Variants in RAB11FIP1 observed in about 807,000 individuals in gnomAD.
The protein encoded by RAB11FIP1 is rab11 family-interacting protein 1.
Under a neutral mutation model 83.1 loss-of-function variants are expected in RAB11FIP1, and 49 were observed. That is an observed-to-expected ratio of 0.59 (90% CI 0.47 to 0.75). The LOEUF is 0.75. RAB11FIP1 is among the 30% of genes least tolerant of loss of function. RAB11FIP1 has a pLI of 0.00. For synonymous variants in RAB11FIP1, 670 were observed against 656.0 expected (o/e 1.02, Z -0.33); for missense variants, 1,536 against 1,598.7 (o/e 0.96, Z 0.67).
In RAB11FIP1 at chr8:37,873,031, T is replaced by C; in HGVS notation, c.1771A>G (p.Ser591Gly). Residue 591 changes from serine (S) to glycine (G), a missense_variant, in exon 4 of 6, where the codon AGT becomes GGT. By Grantham distance (56) the Ser-to-Gly change is moderately conservative. Coordinates refer to ENST00000330843, the MANE Select transcript of RAB11FIP1 (RefSeq NM_001002814.3). ...GHGADTQSSE[S>G]PSVFSSLSSP... ...GAGAGAGAGGAGAAGACAGAAGGAC[T>C]CTCAGAGGACTGTGTGTCTGCACCA... 6.2e-7 allele frequency: 1 copy of C among 1,614,068 alleles called. No homozygotes were observed. Among genetic ancestry groups the C allele is most frequent in the Non-Finnish European group, 8.5e-7 (1 of 1,179,992 alleles).
intron 1 of RAB11FIP1, among the ~76,000 whole-genome samples, chr8:37,895,218 A>AATAAATATATATAT (rs1381872486): frequency 1.5e-4 from 2 of 13,706 alleles, no homozygotes; most frequent in Non-Finnish European, 1.4e-4. Context: ...GGTGCCTGCC[A>AATAAATATATATAT]ATATATATAT....
intron 1 of RAB11FIP1, among the ~76,000 whole-genome samples, chr8:37,894,157 A>G (rs1419446187): frequency 3.3e-5 from 5 of 152,216 alleles, no homozygotes; most frequent in Non-Finnish European, 7.3e-5. Flanking sequence ...AGAAAAATGT[A>G]ATCAGTAATA....
chr8:37,864,003 C>T (rs1203117645), intron 5 of RAB11FIP1, among the ~76,000 whole-genome samples: 1 of 152,226 alleles, frequency 6.6e-6, no homozygotes, highest in Non-Finnish European at 1.5e-5. Context: ...CTGTCTGCTC[C>T]TGCCAAAGCT....
At chr8:37,888,380 T>C (rs1277895431) in intron 1 of RAB11FIP1, among the ~76,000 whole-genome samples, 1 of 152,200 alleles carries the variant, frequency 6.6e-6, no homozygotes, top group Admixed American at 6.5e-5. Context: ...GTGCTGGGAT[T>C]ACAGGCGTGA....
In RAB11FIP1 at chr8:37,882,118, A is replaced by T. The variant is rs563754931; in HGVS notation, c.372-4567T>A. Among the ~76,000 whole-genome samples, 57 of 152,264 alleles carry T rather than the reference A, an allele frequency of 3.7e-4. 3 individuals carry two copies. The highest frequency in any genetic ancestry group is 1.3e-3 in the African/African-American group (55 of 41,554). On this transcript the variant is annotated intron_variant, in intron 1 of 5. Transcript: ENST00000330843. ...CCCGCCCAGGGCAGGAGCTTCAGGC[A>T]GGGGTTTCTCCACAGCTCTTCCACA...
chr8:37,886,707 CT>C (rs1257814577), intron 1 of RAB11FIP1, among the ~76,000 whole-genome samples: 1 of 152,196 alleles, frequency 6.6e-6, no homozygotes, highest in Non-Finnish European at 1.5e-5. Flanking sequence ...AGAACCACCC[CT>C]GACCTAGTGT....
rs2130142768 is a variant in RAB11FIP1 at position 37,872,462 on chromosome 8, T to C, written c.2340A>G (p.Ser780=). The C allele has an allele frequency of 2.5e-6, 4 of 1,614,170 alleles. No individual in the cohort carries two copies. The highest frequency in any genetic ancestry group is 3.4e-6 in the Non-Finnish European group (4 of 1,180,016). Residue 780 remains serine, a synonymous_variant, in exon 4 of 6, where the codon TCA becomes TCG. Coordinates refer to ENST00000330843, the MANE Select transcript of RAB11FIP1 (RefSeq NM_001002814.3). ...EVAPPLPMGA[S]VPSIDSMMRK... ...GCATCATGGAATCAATGGAAGGGAC[T>C]GATGCTCCCATGGGAAGAGGGGGCG...
In RAB11FIP1 at chr8:37,863,063, A is replaced by G; in HGVS notation, c.3684T>C (p.Asp1228=). Reference sequence around the variant, plus strand: ...GTTTGAGGACCAGCTGAATCAGCTCATCGTGGGTCAGCTGCGCATATGCAA... The same window carrying G: ...GTTTGAGGACCAGCTGAATCAGCTCGTCGTGGGTCAGCTGCGCATATGCAA... ...PAFAYAQLTH[D]ELIQLVLKQK... Residue 1228 remains aspartate, a synonymous_variant, in exon 6 of 6, where the codon GAT becomes GAC. Coordinates refer to ENST00000330843, the MANE Select transcript of RAB11FIP1 (RefSeq NM_001002814.3). 1 of 1,612,942 alleles carries G rather than the reference A, an allele frequency of 6.2e-7. No homozygotes were observed. The highest frequency in any genetic ancestry group is 8.5e-7 in the Non-Finnish European group (1 of 1,179,984).
At chr8:37,889,257 G>A (rs1453842421) in intron 1 of RAB11FIP1, among the ~76,000 whole-genome samples, 31 of 152,094 alleles carry the variant, frequency 2.0e-4, no homozygotes, top group Admixed American at 2.0e-3. Context: ...TTTTCTAAGT[G>A]GAGAGCAATA....
In RAB11FIP1 at chr8:37,871,292, C is replaced by T. The variant is rs746266350; in HGVS notation, c.3510G>A (p.Gly1170=). The change falls in exon 4 of 6, where the codon GGG becomes GGA. Residue 1170 remains glycine (G), a synonymous_variant. Coordinates refer to ENST00000330843, the MANE Select transcript of RAB11FIP1 (RefSeq NM_001002814.3). ...PVSAQPGAGT[G]SAKHRLHPVK... is the part of the protein sequence containing the mutation. ...CCATCTCTCACCTGTGCTTGGCTGA[C>T]CCAGTTCCAGCGCCTGGCTGAGCTG... The T allele has an allele frequency of 7.5e-6, 12 of 1,609,654 alleles. No homozygotes were observed. Among genetic ancestry groups the T allele is most frequent in the Non-Finnish European group, 1.0e-5 (12 of 1,178,368 alleles).
At position 37,872,242 on chromosome 8, in the gene RAB11FIP1, G is replaced by A; in HGVS notation, c.2560C>T (p.Pro854Ser). Residue 854 changes from proline to serine, a missense_variant, in exon 4 of 6, where the codon CCT becomes TCT. Transcript: ENST00000330843. ...GAGTCCTCTGCGTGGGGAGACTCAG[G>A]AGGCTCTCCGTCAGACGCGTTTCCA... Reference protein sequence around the residue: ...VAGNASDGEPPESPHAEDSER... With the variant: ...VAGNASDGEPSESPHAEDSER... 1.2e-6 allele frequency: 2 copies of A among 1,614,066 alleles called. No individual in the cohort carries two copies. Among genetic ancestry groups the A allele is most frequent in the Non-Finnish European group, 1.7e-6 (2 of 1,179,982 alleles).
At position 37,871,857 on chromosome 8, in the gene RAB11FIP1, A is replaced by G. The variant is rs1563367027; in HGVS notation, c.2945T>C (p.Val982Ala). 2.5e-6 allele frequency: 4 copies of G among 1,613,920 alleles called. No homozygotes were observed. The highest frequency in any genetic ancestry group is 2.5e-6 in the Non-Finnish European group (3 of 1,179,992). The change falls in exon 4 of 6, where the codon GTT (valine) becomes GCT (alanine). Residue 982 changes from valine (V) to alanine (A), a missense_variant. Physicochemically the swap from Val to Ala is moderately conservative, Grantham distance 64. Transcript: ENST00000330843. ...CTTTGCTGTCTCTCCATCATCTTCA[A>G]CCTGATCTCCGTCATCTTCAACCTG... The part of the protein sequence containing the change: ...IDQVEDDGDQ[V>A]EDDGETAKSS...
At chr8:37,888,548 G>A (rs1468505882) in intron 1 of RAB11FIP1, among the ~76,000 whole-genome samples, 2 of 151,316 alleles carry the variant, frequency 1.3e-5, no homozygotes, top group South Asian at 2.1e-4. Flanking sequence ...ATGCCATCAC[G>A]GCTCACTGCA....
At position 37,861,672 on chromosome 8, in the gene RAB11FIP1, T is replaced by C. The variant is rs770993206; in HGVS notation, c.*1223A>G. The C allele has an allele frequency of 2.5e-6, 1 of 408,044 alleles. No homozygotes were observed. Among genetic ancestry groups the C allele is most frequent in the South Asian group, 1.8e-5 (1 of 56,530 alleles). 25.3% of individuals were successfully genotyped at this position (408,044 alleles called of 1,614,324 possible). A position where few individuals can be genotyped will look rare whatever the true frequency, so the allele number is the denominator to read the frequency against. Reference sequence around the variant, plus strand: ...GGCACGATCTTGGCTCGCTGCAGCCTCCATCTCCCAAGTTCAAGCAATTCT... The same window carrying C: ...GGCACGATCTTGGCTCGCTGCAGCCCCCATCTCCCAAGTTCAAGCAATTCT... On this transcript the variant is annotated 3_prime_UTR_variant, in exon 6 of 6. Transcript: ENST00000330843.
At position 37,874,965 on chromosome 8, in the gene RAB11FIP1, T is replaced by G; in HGVS notation, c.1172A>C (p.Lys391Thr). ...LSESSTKDSLKSMTLPSYRPA... is the reference protein window; with the variant it reads ...LSESSTKDSLTSMTLPSYRPA... ...TCGGTAGGACGGCAGGGTCATAGAC[T>G]TCAAGGAGTCCTTGGTGGAAGATTC... Residue 391 changes from lysine (K) to threonine (T), a missense_variant, in exon 3 of 6, where the codon AAG (lysine) becomes ACG (threonine). By Grantham distance (78) the Lys-to-Thr change is moderately conservative. Coordinates refer to ENST00000330843, the MANE Select transcript of RAB11FIP1 (RefSeq NM_001002814.3). 1 of 1,614,160 alleles carries G rather than the reference T, an allele frequency of 6.2e-7. No homozygotes were observed. Among genetic ancestry groups the G allele is most frequent in the Non-Finnish European group, 8.5e-7 (1 of 1,180,032 alleles).
chr8:37,868,147 C>T (rs541976738), intron 5 of RAB11FIP1, among the ~76,000 whole-genome samples: 81 of 152,212 alleles, frequency 5.3e-4, no homozygotes, highest in African/African-American at 1.9e-3. Context: ...CAAGGCTGGG[C>T]GCGGTGGCTC....
Position 37,871,945 on chromosome 8 carries a change from C to A in RAB11FIP1, c.2857G>T (p.Ala953Ser). 1 of 1,614,178 alleles carries A rather than the reference C, an allele frequency of 6.2e-7. No homozygotes were observed. Among genetic ancestry groups the A allele is most frequent in the Non-Finnish European group, 8.5e-7 (1 of 1,180,030 alleles). The change falls in exon 4 of 6, where the codon GCC becomes TCC. Residue 953 changes from alanine (A) to serine (S), a missense_variant. Ala to Ser is a moderately conservative substitution (Grantham distance 99). Transcript: ENST00000330843. ...LVSDFKSPIM[A>S]DLNLSLPSIP... ...GAAGGAAGGCTTAAGTTCAGATCGG[C>A]CATGATTGGAGATTTAAAATCTGAG...
intron 5 of RAB11FIP1, among the ~76,000 whole-genome samples, chr8:37,869,733 G>A (rs981604365): frequency 2.6e-5 from 4 of 152,294 alleles, no homozygotes; most frequent in South Asian, 2.1e-4. Context: ...ATACACCTGC[G>A]TGTGTATATC....
chr8:37,871,730 C>G lies in RAB11FIP1; in HGVS notation c.3072G>C (p.Gly1024=). 6.2e-7 allele frequency: 1 copy of G among 1,613,626 alleles called. No individual in the cohort carries two copies. Among genetic ancestry groups the G allele is most frequent in the Non-Finnish European group, 8.5e-7 (1 of 1,180,026 alleles). Residue 1024 remains glycine, a synonymous_variant, in exon 4 of 6, where the codon GGG becomes GGC. Coordinates refer to ENST00000330843, the MANE Select transcript of RAB11FIP1 (RefSeq NM_001002814.3). ...PSGEADRLVL[G]EGLCDFRLQA... ...GCAGCCTGAAATCACACAGGCCCTCCCCCAGTACCAACCTATCTGCCTCGC... is the reference window on the plus strand; with the variant it reads ...GCAGCCTGAAATCACACAGGCCCTCGCCCAGTACCAACCTATCTGCCTCGC...
Sources: gnomAD v4.1 joint callset for allele counts (sites outside exome capture counted in the v4.1 genomes callset) on GRCh38, gnomAD v4.1.1 for gene constraint, MANE v1.5 for transcripts, NCBI Gene and HGNC (gene_info 2026-07-23, HGNC 2026-07-21) for gene names.